The following STK11IP variants were observed in gnomAD, a reference collection of about 807,000 sequenced individuals.
STK11IP encodes the protein serine/threonine kinase 11 interacting protein.
Under a neutral mutation model 131.7 loss-of-function variants are expected in STK11IP, and 103 were observed. That is an observed-to-expected ratio of 0.78 (90% CI 0.67 to 0.92). STK11IP has a LOEUF of 0.92. Among genes scored for constraint, STK11IP ranks in the 40% least tolerant of loss-of-function variants. The pLI is 0.00. For missense variants in STK11IP, 1,315 were observed against 1,385.7 expected (o/e 0.95, Z 0.81); for synonymous variants, 557 against 575.6 (o/e 0.97, Z 0.46).
chr2:219,609,729 A>G, intron 17 of STK11IP, 189 bp downstream of exon 17: 1 of 633,186 alleles, frequency 1.6e-6, no homozygotes, highest in Non-Finnish European at 2.6e-6. Context: ...AGAAAAAAAG[A>G]AGAAACTATA....
chr2:219,614,220 G>A lies in STK11IP; in HGVS notation c.2776G>A (p.Val926Ile), dbSNP rs1698500552. ...CTGTGTCAGTGCCACAGAGGAGGAG[G>A]TCACCCCCCAGCACCGGCTCTGGTG... ...RNCVSATEEE[V>I]TPQHRLWPLL... The change falls in exon 22 of 25, where the codon GTC becomes ATC. Residue 926 changes from valine (V) to isoleucine (I), a missense_variant. Physicochemically the swap from Val to Ile is conservative, Grantham distance 29 (BLOSUM62 3). Coordinates refer to ENST00000456909, the MANE Select transcript of STK11IP (RefSeq NM_052902.4). 1.9e-6 allele frequency: 3 copies of A among 1,613,280 alleles called. No homozygotes were observed. The highest frequency in any genetic ancestry group is 1.3e-5 in the African/African-American group (1 of 74,894).
chr2:219,611,834 C>T lies in STK11IP; in HGVS notation c.2335C>T (p.Pro779Ser), dbSNP rs199715487. The T allele has an allele frequency of 1.1e-4, 184 of 1,609,976 alleles. No homozygotes were observed. The highest frequency in any genetic ancestry group is 1.4e-4 in the Non-Finnish European group (162 of 1,178,484). The change falls in exon 18 of 25, where the codon CCC becomes TCC. Residue 779 changes from proline to serine, a missense_variant and splice_region_variant. Coordinates refer to ENST00000456909, the MANE Select transcript of STK11IP (RefSeq NM_052902.4). ...CCATGGTAGTTGGAGCCTCAGTCCCCGTGAGTATAGGCAAAACAAGACATA... is the reference window on the plus strand; with the variant it reads ...CCATGGTAGTTGGAGCCTCAGTCCCTGTGAGTATAGGCAAAACAAGACATA... Reference protein sequence around the residue: ...RDHGSWSLSPPPERCGLRSVD... With the variant: ...RDHGSWSLSPSPERCGLRSVD...
At chr2:219,613,086 A>G (rs1393367196) in intron 19 of STK11IP, 42 bp from the exon 20 acceptor site, 2 of 1,553,404 alleles carry the variant, frequency 1.3e-6, no homozygotes, top group South Asian at 1.1e-5. Context: ...CCACCTCCCC[A>G]GGCCTCTCAT....
Position 219,605,678 on chromosome 2 carries a change from CAG to C in STK11IP, c.690_691del (p.Ala232CysfsTer11), listed in dbSNP as rs757623038. The C allele has an allele frequency of 4.9e-5, 77 of 1,569,508 alleles. No homozygotes were observed. The highest frequency in any genetic ancestry group is 6.2e-5 in the Non-Finnish European group (72 of 1,157,114). On this transcript the variant is annotated frameshift_variant, in exon 8 of 25. Coordinates refer to ENST00000456909, the MANE Select transcript of STK11IP (RefSeq NM_052902.4). LOFTEE classifies it high-confidence loss of function. The stretch of plus-strand genomic sequence containing the variant: ...CATTTGGTGCCAAGAATGGGACCCT[CAG>C]GGGCTGCTCTGGGGGTCCTGATACT...
In STK11IP at chr2:219,613,120, T is replaced by C; in HGVS notation, c.2440-8T>C. On this transcript the variant is annotated splice_region_variant and splice_polypyrimidine_tract_variant and intron_variant, in intron 19 of 24. Transcript: ENST00000456909. The stretch of plus-strand genomic sequence containing the variant: ...ATCAGGTTTCTCACCAACTTCCTCT[T>C]CCCCCAGGTGCCAGTGGCATTGGCA... 1 of 1,610,812 alleles carries C rather than the reference T, an allele frequency of 6.2e-7. No homozygotes were observed. The highest frequency in any genetic ancestry group is 8.5e-7 in the Non-Finnish European group (1 of 1,178,676).
At chr2:219,606,140 C>T in intron 9 of STK11IP, 55 bp from the exon 10 acceptor site, 1 of 1,543,204 alleles carries the variant, frequency 6.5e-7, no homozygotes, top group Non-Finnish European at 8.8e-7. Context: ...GCCTTCTTCA[C>T]ACAGGGAGGG....
chr2:219,607,524 T>C (rs1426804197), intron 13 of STK11IP, among the ~76,000 whole-genome samples: 2 of 151,890 alleles, frequency 1.3e-5, no homozygotes, highest in Non-Finnish European at 2.9e-5. Flanking sequence ...CCTGACGTGG[T>C]GGTGTGCGCC....
Position 219,615,242 on chromosome 2 carries a change from T to C in STK11IP, c.3018T>C (p.Pro1006=). The C allele has an allele frequency of 2.5e-6, 4 of 1,596,426 alleles. No homozygotes were observed. The highest frequency in any genetic ancestry group is 1.9e-4 in the Middle Eastern group (1 of 5,394). ...AGGTGCCTCCCTCGGGGCCGGGCCC[T>C]GCTGTGCGTGTCAGGGAGCAGCAGC... ...SEKVPPSGPG[P]AVRVREQQPL... Residue 1006 remains proline (P), a synonymous_variant, in exon 24 of 25, where the codon CCT becomes CCC. Coordinates refer to ENST00000456909, the MANE Select transcript of STK11IP (RefSeq NM_052902.4).
chr2:219,598,386 C>T, intron 2 of STK11IP: 1 of 489,204 alleles, frequency 2.0e-6, no homozygotes. Context: ...CCTTTGAGGC[C>T]AAAGGGCGGT....
At chr2:219,611,911 C>T (rs755847875) in intron 18 of STK11IP, 44 bp from the exon 19 acceptor site, 120 of 1,570,442 alleles carry the variant, frequency 7.6e-5, no homozygotes, top group Non-Finnish European at 1.0e-4. Flanking sequence ...AGATGGAGCC[C>T]AGGGGCTGCC....
chr2:219,614,178 C>T lies in STK11IP; in HGVS notation c.2734C>T (p.Pro912Ser), dbSNP rs781220891. 5.0e-6 allele frequency: 8 copies of T among 1,613,480 alleles called. No individual in the cohort carries two copies. Among genetic ancestry groups the T allele is most frequent in the South Asian group, 1.1e-5 (1 of 91,090 alleles). The change falls in exon 22 of 25, where the codon CCC becomes TCC. Residue 912 changes from proline to serine, a missense_variant. Pro to Ser is a moderately conservative substitution (Grantham distance 74). Coordinates refer to ENST00000456909, the MANE Select transcript of STK11IP (RefSeq NM_052902.4). ...CTGTCTAGATGTCTTGCAGTCTCTGCCCCCTGCCTGGAGGAACTGTGTCAG... is the reference window on the plus strand; with the variant it reads ...CTGTCTAGATGTCTTGCAGTCTCTGTCCCCTGCCTGGAGGAACTGTGTCAG... ...EELLDVLQSL[P>S]PAWRNCVSAT...
chr2:219,614,002 C>T lies in STK11IP; in HGVS notation c.2716+72C>T, dbSNP rs564430880. The T allele has an allele frequency of 6.6e-5, 99 of 1,507,766 alleles. No individual in the cohort carries two copies. In the African/African-American group the frequency reaches 1.3e-3, roughly 20 times the overall value. The allele number at this position is 1,507,766 out of a possible 1,614,324, so 93.4% of individuals were successfully genotyped here. A position where few individuals can be genotyped will look rare whatever the true frequency, so the allele number is the denominator to read the frequency against. On this transcript the variant is annotated intron_variant, in intron 21 of 24. Transcript: ENST00000456909. ...AGGGCCTTGGGGCCAGGCTCCCCAC[C>T]TGGTACCCAGTAGCGGAGACAGAGA...
Position 219,603,528 on chromosome 2 carries a change from T to C in STK11IP, c.618+752T>C, listed in dbSNP as rs182512071. ...GTGGTAAGGACAGATTTTTTTTTTCTTTTTTTTTTTGAGGCAGAGTCTTGC... is the reference window on the plus strand; with the variant it reads ...GTGGTAAGGACAGATTTTTTTTTTCCTTTTTTTTTTGAGGCAGAGTCTTGC... On this transcript the variant is annotated intron_variant, in intron 7 of 24. Coordinates refer to ENST00000456909, the MANE Select transcript of STK11IP (RefSeq NM_052902.4). Among the ~76,000 whole-genome samples the C allele has an allele frequency of 5.7e-4, 83 of 144,616 alleles. No individual in the cohort carries two copies. In the East Asian group the frequency reaches 0.016, roughly 28 times the overall value. The allele number at this position is 144,616 out of a possible 152,430, so 94.9% of individuals were successfully genotyped here.
chr2:219,614,887 T>G (rs1319086595), intron 23 of STK11IP: 6 of 643,948 alleles, frequency 9.3e-6, no homozygotes, highest in African/African-American at 3.7e-5. Flanking sequence ...TGTGGGGCAG[T>G]GGGGGGCGGT....
intron 2 of STK11IP, 37 bp downstream of exon 2, chr2:219,598,217 C>G: frequency 6.8e-7 from 1 of 1,467,544 alleles, no homozygotes; most frequent in African/African-American, 1.4e-5. Context: ...CCTCGGACCT[C>G]GGACGAGGTG....
In STK11IP at chr2:219,602,487, GC is replaced by G; in HGVS notation, c.459del (p.Gly154AlafsTer22). On this transcript the variant is annotated frameshift_variant, in exon 6 of 25. Coordinates refer to ENST00000456909, the MANE Select transcript of STK11IP (RefSeq NM_052902.4). LOFTEE classifies it high-confidence loss of function. ...QALEELLSAC[G>X]GDFCSALPWL... The stretch of plus-strand genomic sequence containing the variant: ...GCTCAGGAGCTCCTCTCAGCCTGCG[GC>G]GGCGACTTCTGCTCTGCCCTCCCTT... The G allele has an allele frequency of 6.2e-7, 1 of 1,613,898 alleles. No homozygotes were observed. Among genetic ancestry groups the G allele is most frequent in the African/African-American group, 1.3e-5 (1 of 75,048 alleles).
intron 17 of STK11IP, chr2:219,609,841 G>A (rs1698337862): frequency 3.0e-6 from 1 of 330,986 alleles, no homozygotes; most frequent in Non-Finnish European, 5.8e-6. Flanking sequence ...AAGGCTTGTT[G>A]TGTTGGGGAT....
Position 219,607,138 on chromosome 2 carries a change from G to T in STK11IP, c.1219+1G>T, listed in dbSNP as rs767969377. 1.9e-6 allele frequency: 3 copies of T among 1,613,848 alleles called. No homozygotes were observed. The highest frequency in any genetic ancestry group is 2.5e-6 in the Non-Finnish European group (3 of 1,179,866). ...CGAACTCTGAACCCCTCTCCGGCTG[G>T]TAAGTCAGCTTCATCCCACTAACCT... On this transcript the variant is annotated splice_donor_variant, in intron 13 of 24. Coordinates refer to ENST00000456909, the MANE Select transcript of STK11IP (RefSeq NM_052902.4). LOFTEE classifies it high-confidence loss of function.
At position 219,609,547 on chromosome 2, in the gene STK11IP, G is replaced by A. The variant is rs530041453; in HGVS notation, c.2104+7G>A. The A allele has an allele frequency of 5.8e-6, 9 of 1,556,840 alleles. No individual in the cohort carries two copies. The highest frequency in any genetic ancestry group is 2.7e-5 in the African/African-American group (2 of 73,576). On this transcript the variant is annotated splice_region_variant and intron_variant, in intron 17 of 24. Transcript: ENST00000456909. ...CCTCTGTTCCAAAAGACAGGTACAA[G>A]TCCTGCCCTTGACCTCTCTGCCCAC... is the stretch of plus-strand genomic sequence containing the variant.
Sources: gnomAD v4.1 joint callset for allele counts (sites outside exome capture counted in the v4.1 genomes callset) on GRCh38, gnomAD v4.1.1 for gene constraint, MANE v1.5 for transcripts, NCBI Gene and HGNC (gene_info 2026-07-23, HGNC 2026-07-21) for gene names.